Variants in GREB1L observed in about 807,000 individuals in gnomAD.
GREB1L encodes GREB1 like retinoic acid receptor coactivator.
A neutral mutation model predicts 200.8 loss-of-function variants in GREB1L; 17 were observed. The observed-to-expected ratio is 0.08, with a 90% CI of 0.06 to 0.13. The LOEUF (loss-of-function observed/expected upper bound fraction) is 0.13, where lower values mean the gene tolerates loss of function less well. GREB1L is among the 10% of genes least tolerant of loss of function. The pLI is 1.00. For missense variants in GREB1L, 1,657 were observed against 2,367.7 expected, an observed-to-expected ratio of 0.70 and a Z score of 6.23; for synonymous variants, 789 against 893.0, an observed-to-expected ratio of 0.88 and a Z score of 2.08.
chr18:21,430,904 T>A (rs1314209098), intron 7 of GREB1L, among the ~76,000 whole-genome samples: 4 of 151,436 alleles, frequency 2.6e-5, no homozygotes, highest in African/African-American at 9.7e-5. Flanking sequence ...CCTCTTTTTT[T>A]TAATATAGGC....
intron 13 of GREB1L, among the ~76,000 whole-genome samples, chr18:21,451,881 T>G (rs1199369057): frequency 8.5e-5 from 13 of 152,130 alleles, no homozygotes; most frequent in African/African-American, 3.1e-4. Context: ...GCATGTAAAT[T>G]ATAAGCACTA....
At chr18:21,475,905 G>C (rs1462437447) in intron 16 of GREB1L, among the ~76,000 whole-genome samples, 6 of 133,390 alleles carry the variant, frequency 4.5e-5, no homozygotes, top group African/African-American at 8.2e-5. Context: ...GGAGGCAGAG[G>C]TTGCAGTGAG....
intron 1 of GREB1L, among the ~76,000 whole-genome samples, chr18:21,257,279 G>A (rs577597468): frequency 2.6e-4 from 40 of 152,178 alleles, no homozygotes; most frequent in African/African-American, 8.4e-4. Flanking sequence ...CAATTAAAAC[G>A]CTTAGTTTTA....
chr18:21,495,121 A>G (rs2036497160), intron 19 of GREB1L, among the ~76,000 whole-genome samples: 1 of 152,200 alleles, frequency 6.6e-6, no homozygotes, highest in Admixed American at 6.5e-5. Flanking sequence ...CCCTAAGCCA[A>G]TAATTGCTTG....
At chr18:21,274,887 T>C (rs1051632985) in intron 1 of GREB1L, among the ~76,000 whole-genome samples, 12 of 150,648 alleles carry the variant, frequency 8.0e-5, no homozygotes, top group African/African-American at 2.9e-4. Context: ...ACCCCATCTC[T>C]AAAAAAATAA....
At chr18:21,434,686 A>T (rs191777356) in intron 7 of GREB1L, among the ~76,000 whole-genome samples, 41 of 152,034 alleles carry the variant, frequency 2.7e-4, no homozygotes, top group African/African-American at 9.4e-4. Context: ...ACCTCACAAC[A>T]CTGTTACACG....
intron 1 of GREB1L, among the ~76,000 whole-genome samples, chr18:21,284,776 C>T (rs1348157392): frequency 6.6e-6 from 1 of 152,130 alleles, no homozygotes; most frequent in Non-Finnish European, 1.5e-5. Context: ...AGTGGCTGTA[C>T]CAGTTTATGT....
At chr18:21,322,533 T>C (rs1353368582) in intron 1 of GREB1L, among the ~76,000 whole-genome samples, 12 of 152,128 alleles carry the variant, frequency 7.9e-5, no homozygotes, top group Non-Finnish European at 1.3e-4. Flanking sequence ...TACAATGAAA[T>C]GTCAGTAAAA....
intron 7 of GREB1L, among the ~76,000 whole-genome samples, chr18:21,434,497 A>ATG (rs1236096017): frequency 1.6e-5 from 2 of 122,418 alleles, no homozygotes; most frequent in African/African-American, 6.2e-5. Context: ...ATATATATAT[A>ATG]TATGTGTGTG....
At chr18:21,323,170 C>T (rs984296282) in intron 1 of GREB1L, among the ~76,000 whole-genome samples, 12 of 151,884 alleles carry the variant, frequency 7.9e-5, no homozygotes, top group Non-Finnish European at 1.5e-4. Context: ...GCCTGTGGTC[C>T]CAGCCGCTTG....
Position 21,384,422 on chromosome 18 carries a change from T to G in GREB1L, c.355+19T>G. On this transcript the variant is annotated intron_variant, in intron 4 of 32. Coordinates refer to ENST00000424526, the MANE Select transcript of GREB1L (RefSeq NM_001142966.3). Reference sequence around the variant, plus strand: ...ACAGATGGTGGGTTTCAGTTGTGTTTTCTTTTTGCTATTTTGTCTCTAATA... The same window carrying G: ...ACAGATGGTGGGTTTCAGTTGTGTTGTCTTTTTGCTATTTTGTCTCTAATA... 1 of 1,526,640 alleles carries G rather than the reference T, an allele frequency of 6.6e-7. No individual in the cohort carries two copies. Among genetic ancestry groups the G allele is most frequent in the Non-Finnish European group, 8.8e-7 (1 of 1,135,922 alleles). 94.6% of individuals were successfully genotyped at this position (1,526,640 alleles called of 1,614,324 possible).
At chr18:21,287,009 C>T (rs954986502) in intron 1 of GREB1L, among the ~76,000 whole-genome samples, 5 of 152,192 alleles carry the variant, frequency 3.3e-5, no homozygotes, top group African/African-American at 1.2e-4. Context: ...CTTCTCCGAA[C>T]TACATGCTTA....
chr18:21,447,311 T>G (rs537707413), intron 11 of GREB1L, among the ~76,000 whole-genome samples: 10 of 151,812 alleles, frequency 6.6e-5, no homozygotes, highest in Non-Finnish European at 1.3e-4. Flanking sequence ...AAAAAAAAAT[T>G]TTTTTAAAAG....
chr18:21,335,546 T>C (rs1306556847), intron 1 of GREB1L, among the ~76,000 whole-genome samples: 1 of 152,224 alleles, frequency 6.6e-6, no homozygotes, highest in Non-Finnish European at 1.5e-5. Context: ...CTGCTTCTTA[T>C]ACACAATGAT....
At chr18:21,470,796 T>G (rs2035453783) in intron 15 of GREB1L, among the ~76,000 whole-genome samples, 1 of 152,186 alleles carries the variant, frequency 6.6e-6, no homozygotes, top group Admixed American at 6.5e-5. Flanking sequence ...ATGGAAGCAG[T>G]GAATTAAAGA....
At chr18:21,510,567 A>T (rs1214411785) in intron 27 of GREB1L, among the ~76,000 whole-genome samples, 2 of 152,210 alleles carry the variant, frequency 1.3e-5, no homozygotes, top group African/African-American at 4.8e-5. Flanking sequence ...TGTATCTACT[A>T]CATTTTGTTT....
chr18:21,509,413 C>T (rs887239494), intron 27 of GREB1L, among the ~76,000 whole-genome samples: 1 of 152,130 alleles, frequency 6.6e-6, no homozygotes, highest in Admixed American at 6.5e-5. Flanking sequence ...CAGATAAGAC[C>T]TGAGTAGTTT....
At chr18:21,291,422 T>C (rs1441819805) in intron 1 of GREB1L, among the ~76,000 whole-genome samples, 1 of 152,212 alleles carries the variant, frequency 6.6e-6, no homozygotes, top group African/African-American at 2.4e-5. Context: ...TGTGGGGCAT[T>C]TCCATGTTGA....
intron 7 of GREB1L, among the ~76,000 whole-genome samples, chr18:21,408,904 A>G (rs1402763047): frequency 6.6e-6 from 1 of 152,170 alleles, no homozygotes; most frequent in East Asian, 1.9e-4. Context: ...GGGAACCATT[A>G]TACACCACTG....
Sources: allele counts gnomAD v4.1 joint callset (sites outside exome capture counted in the v4.1 genomes callset), GRCh38; gene constraint gnomAD v4.1.1; transcripts MANE v1.5; gene names NCBI Gene and HGNC (gene_info 2026-07-23, HGNC 2026-07-21).